Variants in TBCK observed in about 807,000 individuals in gnomAD.
TBCK encodes the protein TBC1 domain containing kinase, also known as TBC domain-containing protein kinase-like protein.
In TBCK, 99 loss-of-function variants were observed where a neutral mutation model predicts 113.4. The ratio of observed to expected loss-of-function variants is 0.87; its 90% CI spans 0.74 to 1.03. The LOEUF (loss-of-function observed/expected upper bound fraction) is 1.03. Ranked by LOEUF, TBCK falls within the 50% of genes least tolerant of loss-of-function variation. The probability of loss-of-function intolerance (pLI) is 0.00; values close to 1 mark genes in which losing one functional copy is unlikely to be tolerated. For synonymous variants in TBCK, 369 were observed against 370.8 expected (o/e 1.00, Z 0.05); for missense variants, 1,045 against 1,061.3 (o/e 0.98, Z 0.21).
chr4:106,210,369 T>C (rs191714707), intron 20 of TBCK, among the ~76,000 whole-genome samples: 1 of 152,308 alleles, frequency 6.6e-6, no homozygotes, highest in Admixed American at 6.5e-5. Flanking sequence ...AATATGCTAA[T>C]GTTCATGCTG....
intron 7 of TBCK, among the ~76,000 whole-genome samples, chr4:106,250,104 A>G (rs1371842438): frequency 6.6e-6 from 1 of 152,162 alleles, no homozygotes. Flanking sequence ...GTCTGAAGGT[A>G]AACTGCTACA....
chr4:106,180,122 A>G (rs948275447), intron 22 of TBCK, among the ~76,000 whole-genome samples: 16 of 151,912 alleles, frequency 1.1e-4, no homozygotes, highest in African/African-American at 3.9e-4. Context: ...CATGTCTTCA[A>G]AGGTAGAGTT....
At chr4:106,179,402 T>C (rs974444898) in intron 22 of TBCK, among the ~76,000 whole-genome samples, 2 of 151,992 alleles carry the variant, frequency 1.3e-5, no homozygotes, top group African/African-American at 4.8e-5. Flanking sequence ...CTTAGAACTG[T>C]TTTTGCTGTA....
At chr4:106,164,532 T>C (rs1472635960) in intron 23 of TBCK, 3 of 151,826 alleles carry the variant, frequency 2.0e-5, no homozygotes, top group Non-Finnish European at 4.4e-5. Flanking sequence ...TATATATTAA[T>C]ATATATGTTT....
chr4:106,208,495 C>T (rs951614874), intron 20 of TBCK, among the ~76,000 whole-genome samples: 1 of 151,578 alleles, frequency 6.6e-6, no homozygotes, highest in Non-Finnish European at 1.5e-5. Flanking sequence ...AAGCCCCAGG[C>T]TCAGCCACAC....
chr4:106,081,896 C>A (rs1395719192), intron 25 of TBCK, among the ~76,000 whole-genome samples: 1 of 152,174 alleles, frequency 6.6e-6, no homozygotes, highest in Non-Finnish European at 1.5e-5. Flanking sequence ...ATCAAAACCA[C>A]AATGAGATAC....
intron 25 of TBCK, among the ~76,000 whole-genome samples, chr4:106,072,966 T>C (rs1398529801): frequency 6.6e-6 from 1 of 152,216 alleles, no homozygotes; most frequent in Non-Finnish European, 1.5e-5. Context: ...TAAGGTCTTC[T>C]CTACACTGTT....
chr4:106,109,014 CACAT>C (rs1401422281), intron 24 of TBCK, among the ~76,000 whole-genome samples: 1 of 137,878 alleles, frequency 7.3e-6, no homozygotes, highest in African/African-American at 2.7e-5. Flanking sequence ...AACTGACACA[CACAT>C]ACACACACAC....
chr4:106,130,615 C>G (rs1560694999), intron 23 of TBCK, among the ~76,000 whole-genome samples: 1 of 151,606 alleles, frequency 6.6e-6, no homozygotes, highest in Non-Finnish European at 1.5e-5. Context: ...CACACACACA[C>G]ACACACACAC....
At chr4:106,194,871 T>G (rs1390462708) in intron 20 of TBCK, 117 bp from the exon 21 acceptor site, 2 of 946,072 alleles carry the variant, frequency 2.1e-6, no homozygotes, top group Non-Finnish European at 3.1e-6. Context: ...TCTACTTTAT[T>G]GGTTAAAATA....
intron 25 of TBCK, among the ~76,000 whole-genome samples, chr4:106,066,768 T>G (rs916260567): frequency 1.3e-5 from 2 of 152,052 alleles, no homozygotes; most frequent in South Asian, 4.1e-4. Flanking sequence ...ATAAATGAAA[T>G]TATACAATAT....
chr4:106,091,486 G>A (rs997073240), intron 25 of TBCK, among the ~76,000 whole-genome samples: 1 of 152,160 alleles, frequency 6.6e-6, no homozygotes. Flanking sequence ...AGCGCGTCCA[G>A]AGTTTGTTCC....
intron 11 of TBCK, among the ~76,000 whole-genome samples, chr4:106,243,642 T>C (rs574694424): frequency 6.6e-6 from 1 of 152,062 alleles, no homozygotes; most frequent in East Asian, 1.9e-4. Context: ...AGATGACTTC[T>C]ACAGTTGCCT....
At chr4:106,085,808 C>T (rs773627808) in intron 25 of TBCK, among the ~76,000 whole-genome samples, 2 of 152,272 alleles carry the variant, frequency 1.3e-5, no homozygotes, top group Middle Eastern at 6.8e-3. Flanking sequence ...CACTCAAAAC[C>T]ACATAGTTTC....
At chr4:106,121,570 C>T (rs1202529108) in intron 23 of TBCK, among the ~76,000 whole-genome samples, 7 of 152,036 alleles carry the variant, frequency 4.6e-5, no homozygotes, top group African/African-American at 1.7e-4. Flanking sequence ...ACAGAATATA[C>T]ATTTTTTTCA....
At chr4:106,214,395 C>T (rs1009682754) in intron 19 of TBCK, among the ~76,000 whole-genome samples, 1 of 152,008 alleles carries the variant, frequency 6.6e-6, no homozygotes. Flanking sequence ...TGAGAGAAGG[C>T]TTCAGACGAT....
chr4:106,073,275 G>C (rs1399419576), intron 25 of TBCK, among the ~76,000 whole-genome samples: 1 of 152,154 alleles, frequency 6.6e-6, no homozygotes, highest in African/African-American at 2.4e-5. Flanking sequence ...ACCTACAGAT[G>C]GGGTTTTGGT....
At chr4:106,217,624 T>A (rs1192722370) in intron 19 of TBCK, among the ~76,000 whole-genome samples, 3 of 150,352 alleles carry the variant, frequency 2.0e-5, no homozygotes, top group East Asian at 2.0e-4. Flanking sequence ...CACAATTGCT[T>A]CAAAGAGAAT....
At chr4:106,127,583 A>G (rs951546175) in intron 23 of TBCK, among the ~76,000 whole-genome samples, 2 of 152,152 alleles carry the variant, frequency 1.3e-5, no homozygotes, top group Admixed American at 6.6e-5. Context: ...TATTCCCCAA[A>G]TAGTAGAAAA....
Sources: allele counts gnomAD v4.1 joint callset (sites outside exome capture counted in the v4.1 genomes callset), GRCh38; gene constraint gnomAD v4.1.1; transcripts MANE v1.5; gene names NCBI Gene and HGNC (gene_info 2026-07-23, HGNC 2026-07-21).